Variants in NXPH1 observed in about 807,000 individuals in gnomAD.
The protein encoded by NXPH1 is neurexophilin 1.
Under a neutral mutation model 23.7 loss-of-function variants are expected in NXPH1, and 5 were observed. The observed-to-expected ratio is 0.21, with a 90% CI of 0.11 to 0.44. The LOEUF is 0.44. NXPH1 is among the 20% of genes least tolerant of loss of function. The pLI, the probability that NXPH1 is intolerant of heterozygous loss-of-function variation, is 0.99. For missense variants in NXPH1, 324 were observed against 321.6 expected, an observed-to-expected ratio of 1.01 and a Z score of -0.06; for synonymous variants, 144 against 122.2, an observed-to-expected ratio of 1.18 and a Z score of -1.18.
At chr7:8,574,395 G>T (rs578066060) in intron 2 of NXPH1, among the ~76,000 whole-genome samples, 2 of 151,942 alleles carry the variant, frequency 1.3e-5, no homozygotes, top group African/African-American at 4.8e-5. Context: ...ACTCTGACTC[G>T]AACTGACTTT....
At chr7:8,520,488 T>C (rs1190049533) in intron 2 of NXPH1, among the ~76,000 whole-genome samples, 1 of 152,184 alleles carries the variant, frequency 6.6e-6, no homozygotes, top group Non-Finnish European at 1.5e-5. Flanking sequence ...TCTTTAAACA[T>C]TTGCAGATAT....
intron 2 of NXPH1, among the ~76,000 whole-genome samples, chr7:8,483,687 T>A (rs1817111398): frequency 6.6e-6 from 1 of 152,044 alleles, no homozygotes; most frequent in Non-Finnish European, 1.5e-5. Flanking sequence ...CATGTCAGAG[T>A]GGGGTGTCCA....
intron 2 of NXPH1, among the ~76,000 whole-genome samples, chr7:8,441,495 A>T (rs149525054): frequency 1.4e-4 from 21 of 152,282 alleles, no homozygotes; most frequent in African/African-American, 4.3e-4. Flanking sequence ...GCAAGCACTT[A>T]ATCAAGGATA....
chr7:8,611,176 T>C (rs1819611062), intron 2 of NXPH1, among the ~76,000 whole-genome samples: 3 of 152,158 alleles, frequency 2.0e-5, no homozygotes, highest in Admixed American at 6.6e-5. Flanking sequence ...ATACAAATTA[T>C]GATACATGCC....
At chr7:8,605,649 A>C (rs758155029) in intron 2 of NXPH1, among the ~76,000 whole-genome samples, 1 of 152,156 alleles carries the variant, frequency 6.6e-6, no homozygotes, top group South Asian at 2.1e-4. Context: ...CAGATGTTCA[A>C]CGTCAGAGAT....
At chr7:8,720,644 A>G (rs565796929) in intron 2 of NXPH1, among the ~76,000 whole-genome samples, 28 of 152,368 alleles carry the variant, frequency 1.8e-4, no homozygotes, top group Middle Eastern at 3.4e-3. Flanking sequence ...ATTATCAGTA[A>G]AACAATTGAA....
At chr7:8,653,302 A>T (rs915150262) in intron 2 of NXPH1, among the ~76,000 whole-genome samples, 3 of 152,166 alleles carry the variant, frequency 2.0e-5, no homozygotes, top group Admixed American at 6.5e-5. Context: ...TCTAAGCCTC[A>T]TAGACTACAT....
chr7:8,690,985 T>C (rs1462317740), intron 2 of NXPH1, among the ~76,000 whole-genome samples: 1 of 152,198 alleles, frequency 6.6e-6, no homozygotes, highest in Admixed American at 6.5e-5. Context: ...TCCTTTCCTC[T>C]GAAGACTTCC....
chr7:8,559,081 C>T (rs536471406), intron 2 of NXPH1, among the ~76,000 whole-genome samples: 1 of 151,766 alleles, frequency 6.6e-6, no homozygotes, highest in Admixed American at 6.6e-5. Context: ...ACTTCCACCT[C>T]AGCCTGCTGA....
At chr7:8,568,321 T>A (rs187417185) in intron 2 of NXPH1, among the ~76,000 whole-genome samples, 10 of 152,062 alleles carry the variant, frequency 6.6e-5, no homozygotes, top group Admixed American at 6.6e-4. Flanking sequence ...TAATAATGTA[T>A]TTTCTTTAGC....
chr7:8,463,311 G>A (rs888369826), intron 2 of NXPH1, among the ~76,000 whole-genome samples: 2 of 148,824 alleles, frequency 1.3e-5, no homozygotes, highest in African/African-American at 4.9e-5. Flanking sequence ...TTTTTTCATG[G>A]CCACATAGTA....
intron 2 of NXPH1, among the ~76,000 whole-genome samples, chr7:8,457,614 G>T (rs1004234703): frequency 1.3e-5 from 2 of 149,040 alleles, no homozygotes; most frequent in Non-Finnish European, 3.0e-5. Flanking sequence ...CAACTTCATT[G>T]GTCCATTTGG....
At chr7:8,682,007 A>G (rs1821061044) in intron 2 of NXPH1, among the ~76,000 whole-genome samples, 1 of 152,120 alleles carries the variant, frequency 6.6e-6, no homozygotes, top group South Asian at 2.1e-4. Context: ...GCAAGGGAGG[A>G]GAAAAACAGG....
intron 2 of NXPH1, among the ~76,000 whole-genome samples, chr7:8,690,896 C>G (rs1408446064): frequency 1.3e-5 from 2 of 152,150 alleles, no homozygotes; most frequent in East Asian, 3.9e-4. Flanking sequence ...TTTGATGTAT[C>G]CATTTGTTCA....
At chr7:8,697,157 CAAA>C (rs139349283) in intron 2 of NXPH1, among the ~76,000 whole-genome samples, 37,644 of 105,112 alleles carry the variant, frequency 0.36, 5,053 homozygotes, top group East Asian at 0.43. Context: ...GATTCTGTTT[CAAA>C]AAAAAAAAAA....
chr7:8,574,131 T>C (rs1441134811), intron 2 of NXPH1, among the ~76,000 whole-genome samples: 1 of 152,094 alleles, frequency 6.6e-6, no homozygotes, highest in African/African-American at 2.4e-5. Context: ...CAGGTACATA[T>C]TGTCTATTTA....
intron 2 of NXPH1, among the ~76,000 whole-genome samples, chr7:8,673,721 C>T (rs1683052494): frequency 2.0e-5 from 3 of 152,036 alleles, no homozygotes; most frequent in Admixed American, 2.0e-4. Flanking sequence ...AAAGGGATTA[C>T]AACAGTCTTC....
chr7:8,688,285 G>A (rs939649092), intron 2 of NXPH1, among the ~76,000 whole-genome samples: 1 of 152,070 alleles, frequency 6.6e-6, no homozygotes, highest in Non-Finnish European at 1.5e-5. Context: ...TAACACTAAT[G>A]TAAGTCATGG....
intron 2 of NXPH1, among the ~76,000 whole-genome samples, chr7:8,543,802 C>G (rs1384708686): frequency 2.6e-5 from 4 of 151,542 alleles, no homozygotes; most frequent in African/African-American, 9.7e-5. Flanking sequence ...TGTATGTACT[C>G]TTCAGTTAGC....
Sources: gnomAD v4.1 joint callset for allele counts (sites outside exome capture counted in the v4.1 genomes callset) on GRCh38, gnomAD v4.1.1 for gene constraint, MANE v1.5 for transcripts, NCBI Gene and HGNC (gene_info 2026-07-23, HGNC 2026-07-21) for gene names.